The following SEMA6D variants were observed in gnomAD, a reference collection of about 807,000 sequenced individuals.
SEMA6D encodes semaphorin-6D.
A neutral mutation model predicts 106.6 loss-of-function variants in SEMA6D; 35 were observed. That is an observed-to-expected ratio of 0.33 (90% confidence interval 0.25 to 0.44). The LOEUF is 0.44. SEMA6D is among the 20% of genes least tolerant of loss of function. SEMA6D has a pLI of 1.00. For missense variants in SEMA6D, 1,185 were observed against 1,345.9 expected (o/e 0.88, Z 1.87); for synonymous variants, 499 against 487.7 (o/e 1.02, Z -0.31).
chr15:47,490,255 A>G (rs762163422), intron 3 of SEMA6D, among the ~76,000 whole-genome samples: 1 of 152,202 alleles, frequency 6.6e-6, no homozygotes, highest in East Asian at 1.9e-4. Flanking sequence ...CTCAGTATGT[A>G]TTTAACTTAT....
chr15:47,215,305 A>T (rs1157026649), intron 1 of SEMA6D, among the ~76,000 whole-genome samples: 2 of 151,848 alleles, frequency 1.3e-5, no homozygotes, highest in African/African-American at 2.4e-5. Context: ...ACCAGGTTAT[A>T]GTTGCCCTTG....
intron 1 of SEMA6D, among the ~76,000 whole-genome samples, chr15:47,319,617 C>G (rs1275588269): frequency 6.6e-6 from 1 of 152,060 alleles, no homozygotes; most frequent in Admixed American, 6.6e-5. Context: ...TTCCCTCCCC[C>G]CATTTCAGGT....
At chr15:47,371,759 T>C (rs184294136) in intron 1 of SEMA6D, among the ~76,000 whole-genome samples, 105 of 152,310 alleles carry the variant, frequency 6.9e-4, no homozygotes, top group Non-Finnish European at 1.2e-3. Context: ...TTAGGTCACT[T>C]TTTCTGCTTC....
chr15:47,480,923 C>G (rs1294108466), intron 3 of SEMA6D, among the ~76,000 whole-genome samples: 1 of 152,164 alleles, frequency 6.6e-6, no homozygotes, highest in African/African-American at 2.4e-5. Flanking sequence ...TTCTTAAGAC[C>G]TCAGGCTGGG....
At chr15:47,493,326 CTCTCACCTCTCAG>C (rs1445045002) in intron 3 of SEMA6D, among the ~76,000 whole-genome samples, 40 of 152,300 alleles carry the variant, frequency 2.6e-4, no homozygotes, top group African/African-American at 8.9e-4. Flanking sequence ...TTGTTAGCAA[CTCTCACCTCTCAG>C]TCTTTTCATT....
chr15:47,521,796 T>C (rs1024923371), intron 3 of SEMA6D, among the ~76,000 whole-genome samples: 2 of 152,164 alleles, frequency 1.3e-5, no homozygotes. Flanking sequence ...CCATCCTGCC[T>C]AACACGGTGA....
intron 1 of SEMA6D, among the ~76,000 whole-genome samples, chr15:47,405,628 C>T (rs116151732): frequency 1.2e-3 from 189 of 152,282 alleles, no homozygotes; most frequent in African/African-American, 4.5e-3. Context: ...TTCTTGCTTC[C>T]TTTGTTTTCT....
At chr15:47,306,642 G>T (rs1204410861) in intron 1 of SEMA6D, among the ~76,000 whole-genome samples, 1 of 152,184 alleles carries the variant, frequency 6.6e-6, no homozygotes, top group Non-Finnish European at 1.5e-5. Flanking sequence ...TTGAACCTGG[G>T]CAGTGGAGTT....
At chr15:47,755,213 G>A (rs1254521491) in intron 1 of SEMA6D, among the ~76,000 whole-genome samples, 1 of 152,012 alleles carries the variant, frequency 6.6e-6, no homozygotes, top group Non-Finnish European at 1.5e-5. Flanking sequence ...GCCTCCCAAA[G>A]TATTACAGGC....
Position 47,771,620 on chromosome 15 carries a change from T to G in SEMA6D, c.3057T>G (p.Val1019=). The change falls in exon 19 of 19, where the codon GTT becomes GTG. Residue 1019 remains valine (V), a synonymous_variant. Transcript: ENST00000536845. ...VDYIQGTPVS[V]HLQPSLSRQS... is the part of the protein sequence containing the mutation. ...ATATTCAGGGAACACCAGTGAGTGTTCATCTGCAGCCTTCCCTCTCCAGAC... is the reference window on the plus strand; with the variant it reads ...ATATTCAGGGAACACCAGTGAGTGTGCATCTGCAGCCTTCCCTCTCCAGAC... 1 of 1,614,118 alleles carries G rather than the reference T, an allele frequency of 6.2e-7. No individual in the cohort carries two copies. Among genetic ancestry groups the G allele is most frequent in the Non-Finnish European group, 8.5e-7 (1 of 1,179,982 alleles).
At chr15:47,252,643 C>A (rs1161952264) in intron 1 of SEMA6D, among the ~76,000 whole-genome samples, 1 of 152,138 alleles carries the variant, frequency 6.6e-6, no homozygotes, top group Non-Finnish European at 1.5e-5. Context: ...TGAGATCATA[C>A]AATTTTGGTC....
chr15:47,364,207 G>C (rs2038922776), intron 1 of SEMA6D, among the ~76,000 whole-genome samples: 1 of 152,214 alleles, frequency 6.6e-6, no homozygotes, highest in African/African-American at 2.4e-5. Flanking sequence ...AGTTAGACTT[G>C]CTCCGAAACA....
chr15:47,651,970 T>C (rs2077700697), intron 4 of SEMA6D, among the ~76,000 whole-genome samples: 1 of 152,204 alleles, frequency 6.6e-6, no homozygotes, highest in Admixed American at 6.5e-5. Flanking sequence ...CCTTCAAAAA[T>C]GGCCTGCTTA....
intron 3 of SEMA6D, among the ~76,000 whole-genome samples, chr15:47,546,537 C>CA (rs1384067015): frequency 3.3e-5 from 5 of 151,540 alleles, no homozygotes; most frequent in Admixed American, 6.6e-5. Context: ...TCTCTCAGTG[C>CA]AAAAAAAATG....
chr15:47,690,411 C>T (rs2145747251), intron 4 of SEMA6D, among the ~76,000 whole-genome samples: 1 of 152,280 alleles, frequency 6.6e-6, no homozygotes, highest in Non-Finnish European at 1.5e-5. Flanking sequence ...TTAGCATCCA[C>T]TTCCTTTCTT....
chr15:47,261,271 C>T (rs768617116), intron 1 of SEMA6D, among the ~76,000 whole-genome samples: 8 of 151,990 alleles, frequency 5.3e-5, no homozygotes, highest in Non-Finnish European at 8.8e-5. Context: ...ATCTGTTTTG[C>T]TCTCTATTGT....
chr15:47,237,328 A>G (rs2032612672), intron 1 of SEMA6D, among the ~76,000 whole-genome samples: 1 of 152,146 alleles, frequency 6.6e-6, no homozygotes, highest in African/African-American at 2.4e-5. Context: ...TAGTTATTCC[A>G]CTTAAATGAT....
At chr15:47,486,105 T>G (rs992596334) in intron 3 of SEMA6D, among the ~76,000 whole-genome samples, 1 of 152,170 alleles carries the variant, frequency 6.6e-6, no homozygotes, top group Non-Finnish European at 1.5e-5. Context: ...AGTGGGATTG[T>G]GGATATTTTG....
chr15:47,270,550 G>A (rs191936464), intron 1 of SEMA6D, among the ~76,000 whole-genome samples: 186 of 151,742 alleles, frequency 1.2e-3, no homozygotes, highest in African/African-American at 4.3e-3. Context: ...CAATCTTAGC[G>A]GAAAAAAATT....
Sources: gnomAD v4.1 joint callset for allele counts (sites outside exome capture counted in the v4.1 genomes callset) on GRCh38, gnomAD v4.1.1 for gene constraint, MANE v1.5 for transcripts, NCBI Gene and HGNC (gene_info 2026-07-23, HGNC 2026-07-21) for gene names.